The following PTPN4 variants were observed in gnomAD, a reference collection of about 807,000 sequenced individuals.
PTPN4 encodes tyrosine-protein phosphatase non-receptor type 4.
Under a neutral mutation model 135.5 loss-of-function variants are expected in PTPN4, and 49 were observed. That is an observed-to-expected ratio of 0.36 (90% CI 0.29 to 0.46). PTPN4 has a LOEUF of 0.46. Ranked by LOEUF, PTPN4 falls within the 20% of genes least tolerant of loss-of-function variation. The pLI is 1.00. For missense variants in PTPN4, 860 were observed against 1,101.0 expected (o/e 0.78, Z 3.10); for synonymous variants, 333 against 369.9 (o/e 0.90, Z 1.14).
rs533566448 is a variant in PTPN4, at chr2:119,774,003, CCT to C, written c.-18+13622_-18+13623del. On this transcript the variant is annotated intron_variant, in intron 1 of 26. Transcript: ENST00000263708. The stretch of plus-strand genomic sequence containing the variant: ...TATTACTGTAATAATGTAATAACCA[CCT>C]CTATTTCTAGTGAGTTCAGGTGTTG... Among the ~76,000 whole-genome samples the C allele has an allele frequency of 1.4e-4, 21 of 152,260 alleles. No homozygotes were observed. The East Asian group carries it at 4.1e-3, about 29-fold the overall frequency.
chr2:119,788,111 A>G (rs1269299741), intron 1 of PTPN4, among the ~76,000 whole-genome samples: 8 of 152,136 alleles, frequency 5.3e-5, no homozygotes, highest in Non-Finnish European at 8.8e-5. Context: ...TTGTTACAGT[A>G]GTTTTATTGA....
chr2:119,936,204 G>A (rs1029162678), intron 15 of PTPN4, among the ~76,000 whole-genome samples: 1 of 152,100 alleles, frequency 6.6e-6, no homozygotes, highest in Non-Finnish European at 1.5e-5. Context: ...GGGTTTCACC[G>A]TGTTAGCCAG....
intron 10 of PTPN4, among the ~76,000 whole-genome samples, chr2:119,905,762 A>G (rs1678478169): frequency 6.6e-6 from 1 of 152,212 alleles, no homozygotes; most frequent in Non-Finnish European, 1.5e-5. Flanking sequence ...TATATCCAGT[A>G]TTTTCTCACA....
chr2:119,938,124 A>T (rs1458472433), intron 15 of PTPN4, among the ~76,000 whole-genome samples: 10 of 117,780 alleles, frequency 8.5e-5, no homozygotes, highest in South Asian at 2.8e-4. Context: ...ATGTGGGATA[A>T]TTTTTTTTTT....
At chr2:119,880,499 G>A (rs1398378439) in intron 5 of PTPN4, among the ~76,000 whole-genome samples, 2 of 151,252 alleles carry the variant, frequency 1.3e-5, no homozygotes, top group Admixed American at 6.6e-5. Flanking sequence ...GCGCGATCTC[G>A]GCTCATTGCA....
At chr2:119,764,213 G>A (rs1469330585) in intron 1 of PTPN4, among the ~76,000 whole-genome samples, 5 of 152,066 alleles carry the variant, frequency 3.3e-5, no homozygotes, top group Non-Finnish European at 5.9e-5. Context: ...CCAACTGTTC[G>A]GCAAAAACAT....
At chr2:119,765,028 T>A (rs1326693728) in intron 1 of PTPN4, among the ~76,000 whole-genome samples, 7 of 152,138 alleles carry the variant, frequency 4.6e-5, no homozygotes, top group African/African-American at 1.7e-4. Flanking sequence ...GCAAACTGTC[T>A]GATTTCTGAG....
At position 119,805,240 on chromosome 2, in the gene PTPN4, G is replaced by A. The variant is rs536016947; in HGVS notation, c.-17-4597G>A. Among the ~76,000 whole-genome samples, 342 of 152,248 alleles carry A rather than the reference G, an allele frequency of 2.2e-3. 2 individuals are homozygous for A. The highest frequency in any genetic ancestry group is 0.019 in the South Asian group (92 of 4,818). On this transcript the variant is annotated intron_variant, in intron 1 of 26. Transcript: ENST00000263708. Reference sequence around the variant, plus strand: ...TTTTCTCCTGTTTTGTATGTTGCCTGTTCACTCTGATGGTAGTTTCTTTTG... The same window carrying A: ...TTTTCTCCTGTTTTGTATGTTGCCTATTCACTCTGATGGTAGTTTCTTTTG...
At chr2:119,926,006 A>C (rs1354179085) in intron 12 of PTPN4, among the ~76,000 whole-genome samples, 1 of 152,160 alleles carries the variant, frequency 6.6e-6, no homozygotes, top group Non-Finnish European at 1.5e-5. Context: ...GTTCATATTT[A>C]CTGATATTTA....
intron 2 of PTPN4, among the ~76,000 whole-genome samples, chr2:119,841,296 T>G (rs571084346): frequency 6.6e-6 from 1 of 152,186 alleles, no homozygotes; most frequent in Non-Finnish European, 1.5e-5. Context: ...ACTTGTGTAT[T>G]CCCACATTTT....
intron 2 of PTPN4, among the ~76,000 whole-genome samples, chr2:119,833,099 T>G (rs986750307): frequency 6.6e-6 from 1 of 152,174 alleles, no homozygotes; most frequent in Non-Finnish European, 1.5e-5. Flanking sequence ...TTTGTTTAAT[T>G]TGCTTCTTTC....
At chr2:119,762,058 C>G (rs1690517053) in intron 1 of PTPN4, among the ~76,000 whole-genome samples, 1 of 152,054 alleles carries the variant, frequency 6.6e-6, no homozygotes, top group South Asian at 2.1e-4. Context: ...TTATAACACC[C>G]AATTTCTAAT....
At chr2:119,976,287 G>T (rs918089210) in intron 26 of PTPN4, among the ~76,000 whole-genome samples, 1 of 151,754 alleles carries the variant, frequency 6.6e-6, no homozygotes, top group South Asian at 2.1e-4. Flanking sequence ...GTGAGCCACC[G>T]CACCCGGCCA....
chr2:119,773,846 A>G (rs1011583205), intron 1 of PTPN4, among the ~76,000 whole-genome samples: 10 of 152,182 alleles, frequency 6.6e-5, no homozygotes, highest in African/African-American at 2.4e-4. Context: ...ACACAAATCT[A>G]TTATAAAATG....
chr2:119,821,366 C>CA (rs35074511), intron 2 of PTPN4, among the ~76,000 whole-genome samples: 22,429 of 152,036 alleles, frequency 0.15, 2,095 homozygotes, highest in South Asian at 0.28. Context: ...GCTGAGATTA[C>CA]AGGTGTGAGC....
In PTPN4 at chr2:119,914,984, TC is replaced by T. The variant is rs1250411910; in HGVS notation, c.765-193del. On this transcript the variant is annotated intron_variant, in intron 10 of 26. Coordinates refer to ENST00000263708, the MANE Select transcript of PTPN4 (RefSeq NM_002830.4). ...AAGTATTTCTGTAGATACAAAATTTTCCTCAGTTGAACACAAATACTAATTA... is the reference window on the plus strand; with the variant it reads ...AAGTATTTCTGTAGATACAAAATTTTCTCAGTTGAACACAAATACTAATTA... Among the ~76,000 whole-genome samples the T allele has an allele frequency of 2.0e-5, 3 of 152,178 alleles. No individual in the cohort carries two copies. In the East Asian group the frequency reaches 5.8e-4, roughly 29 times the overall value.
At chr2:119,816,381 G>C (rs2104952656) in intron 2 of PTPN4, among the ~76,000 whole-genome samples, 1 of 152,220 alleles carries the variant, frequency 6.6e-6, no homozygotes, top group South Asian at 2.1e-4. Context: ...GCAAGACCTT[G>C]TCTCTGAAAA....
At chr2:119,833,833 A>G (rs1280576996) in intron 2 of PTPN4, among the ~76,000 whole-genome samples, 2 of 152,184 alleles carry the variant, frequency 1.3e-5, no homozygotes, top group Non-Finnish European at 2.9e-5. Flanking sequence ...TCTTGGGCTT[A>G]TGGGAGGATT....
At chr2:119,845,319 A>AT (rs1677480363) in intron 2 of PTPN4, among the ~76,000 whole-genome samples, 3 of 148,288 alleles carry the variant, frequency 2.0e-5, no homozygotes, top group South Asian at 2.2e-4. Flanking sequence ...TTTAAATGTA[A>AT]TTTTTTTCTT....
Sources: allele counts gnomAD v4.1 joint callset (sites outside exome capture counted in the v4.1 genomes callset), GRCh38; gene constraint gnomAD v4.1.1; transcripts MANE v1.5; gene names NCBI Gene and HGNC (gene_info 2026-07-23, HGNC 2026-07-21).